FHIT: variants seen among roughly 807,000 people sequenced by gnomAD.
FHIT encodes the protein fragile histidine triad diadenosine triphosphatase.
In FHIT, 19 loss-of-function variants were observed where a neutral mutation model predicts 17.9. The observed-to-expected ratio is 1.06, with a 90% CI of 0.74 to 1.56. FHIT has a LOEUF of 1.56. Ranked by LOEUF, FHIT falls within the 40% of genes most tolerant of loss-of-function variation. The pLI, the probability that FHIT is intolerant of heterozygous loss-of-function variation, is 0.00. For missense variants in FHIT, 248 were observed against 189.2 expected, an observed-to-expected ratio of 1.31 and a Z score of -1.82; for synonymous variants, 81 against 69.7, an observed-to-expected ratio of 1.16 and a Z score of -0.81.
chr3:61,158,954 G>T (rs1288696175), intron 2 of FHIT, among the ~76,000 whole-genome samples: 5 of 152,176 alleles, frequency 3.3e-5, no homozygotes, highest in Non-Finnish European at 7.3e-5. Flanking sequence ...CATGTAGACT[G>T]GGAAAAGTCC....
chr3:61,095,469 T>G (rs564977011), intron 2 of FHIT, among the ~76,000 whole-genome samples: 1 of 152,180 alleles, frequency 6.6e-6, no homozygotes, highest in Non-Finnish European at 1.5e-5. Context: ...TCTCAGAACC[T>G]GTGCAAACAG....
At chr3:60,914,193 G>A (rs1425310699) in intron 3 of FHIT, among the ~76,000 whole-genome samples, 5 of 152,044 alleles carry the variant, frequency 3.3e-5, no homozygotes, top group African/African-American at 4.8e-5. Context: ...AACTATATGC[G>A]AGGTCCCATT....
At chr3:61,241,468 A>C (rs1576284066) in intron 1 of FHIT, among the ~76,000 whole-genome samples, 1 of 152,238 alleles carries the variant, frequency 6.6e-6, no homozygotes, top group Non-Finnish European at 1.5e-5. Context: ...AAGACTTCTC[A>C]GAAAATAAAA....
intron 8 of FHIT, among the ~76,000 whole-genome samples, chr3:59,865,987 T>C (rs608582): frequency 0.17 from 26,548 of 152,144 alleles, 2,410 homozygotes; most frequent in Non-Finnish European, 0.19. Context: ...TTATGAAAGA[T>C]GGCACATGAA....
chr3:60,567,747 A>G (rs1397819589), intron 4 of FHIT, among the ~76,000 whole-genome samples: 1 of 152,202 alleles, frequency 6.6e-6, no homozygotes, highest in African/African-American at 2.4e-5. Flanking sequence ...AATGAACTCA[A>G]ACAAATCTAC....
intron 7 of FHIT, among the ~76,000 whole-genome samples, chr3:59,948,684 C>T (rs1706958969): frequency 6.6e-6 from 1 of 152,012 alleles, no homozygotes; most frequent in South Asian, 2.1e-4. Context: ...GCAGTGATAA[C>T]TCATCATGGC....
chr3:60,527,229 T>C (rs1241254025), intron 5 of FHIT, among the ~76,000 whole-genome samples: 3 of 152,168 alleles, frequency 2.0e-5, no homozygotes, highest in Non-Finnish European at 4.4e-5. Context: ...GAATAGAAAA[T>C]ACTAACTGGT....
chr3:60,802,571 T>C (rs1262420279), intron 4 of FHIT, among the ~76,000 whole-genome samples: 1 of 152,218 alleles, frequency 6.6e-6, no homozygotes, highest in African/African-American at 2.4e-5. Flanking sequence ...GTTTTCAAAA[T>C]GTCCTTCATC....
At chr3:60,172,659 G>C (rs1242328234) in intron 5 of FHIT, among the ~76,000 whole-genome samples, 1 of 152,112 alleles carries the variant, frequency 6.6e-6, no homozygotes, top group African/African-American at 2.4e-5. Context: ...AGAACAGCAG[G>C]AACAGAGACC....
intron 3 of FHIT, among the ~76,000 whole-genome samples, chr3:60,961,432 A>G (rs1274100236): frequency 6.6e-6 from 1 of 152,144 alleles, no homozygotes; most frequent in African/African-American, 2.4e-5. Context: ...TCTTTAGTTT[A>G]ATTAGATCCC....
At chr3:60,393,340 A>G (rs1386129955) in intron 5 of FHIT, among the ~76,000 whole-genome samples, 1 of 151,694 alleles carries the variant, frequency 6.6e-6, no homozygotes, top group Admixed American at 6.6e-5. Flanking sequence ...GTCCTCTTGT[A>G]CTATCCTCAA....
intron 4 of FHIT, among the ~76,000 whole-genome samples, chr3:60,742,565 C>T (rs55683466): frequency 0.016 from 2,460 of 152,320 alleles, 83 homozygotes; most frequent in African/African-American, 0.056. Context: ...TGTTCTAACA[C>T]TTCACTACCT....
chr3:60,347,736 GC>G (rs1710864638), intron 5 of FHIT, among the ~76,000 whole-genome samples: 2 of 131,346 alleles, frequency 1.5e-5, no homozygotes, highest in South Asian at 2.6e-4. Flanking sequence ...TGTGTTATTT[GC>G]CCCAAACCCC....
At chr3:60,844,598 T>C (rs1204923069) in intron 3 of FHIT, among the ~76,000 whole-genome samples, 5 of 152,158 alleles carry the variant, frequency 3.3e-5, no homozygotes, top group Non-Finnish European at 1.5e-5. Context: ...AAATCAATTC[T>C]TTCTTAATGC....
intron 3 of FHIT, among the ~76,000 whole-genome samples, chr3:60,861,171 T>TA (rs1358617646): frequency 0.038 from 20 of 526 alleles, 1 homozygote; most frequent in Non-Finnish European, 0.08. Flanking sequence ...ATATCATATG[T>TA]TCTATGATAT....
intron 2 of FHIT, among the ~76,000 whole-genome samples, chr3:61,194,945 T>G (rs2038813541): frequency 2.7e-5 from 4 of 150,160 alleles, no homozygotes; most frequent in Admixed American, 2.7e-4. Context: ...AGGCCAAATT[T>G]TATTGCTTCT....
chr3:60,700,515 TG>T (rs1230390913), intron 4 of FHIT, among the ~76,000 whole-genome samples: 10 of 151,796 alleles, frequency 6.6e-5, no homozygotes, highest in African/African-American at 2.4e-4. Flanking sequence ...ATTCATGTGC[TG>T]TTTTTATGTT....
In FHIT at chr3:60,916,504, T is replaced by A. The variant is rs940243775; in HGVS notation, c.-110-94493A>T. 2.6e-5 allele frequency among the ~76,000 whole-genome samples: 4 copies of A among 152,338 alleles called. No individual in the cohort carries two copies. The South Asian group carries it at 8.3e-4, about 32-fold the overall frequency. Reference sequence around the variant, plus strand: ...AATCACCCATTTTTGCTTATAACCATAGGCAGTTATAATCATTATTGCCCA... The same window carrying A: ...AATCACCCATTTTTGCTTATAACCAAAGGCAGTTATAATCATTATTGCCCA... On this transcript the variant is annotated intron_variant, in intron 3 of 9. Coordinates refer to ENST00000492590, the MANE Select transcript of FHIT (RefSeq NM_002012.4).
rs1706260653 is a variant in FHIT, at chr3:60,260,932, T to C, written c.104-246780A>G. ...GCGCCATGACAGTTTACAAATGCCA[T>C]GGCAAAGTCTGGAAGTTACACTATA... On this transcript the variant is annotated intron_variant, in intron 5 of 9. Transcript: ENST00000492590. Among the ~76,000 whole-genome samples, 4 of 152,104 alleles carry C rather than the reference T, an allele frequency of 2.6e-5. No homozygotes were observed. In the South Asian group the frequency reaches 8.3e-4, roughly 32 times the overall value.
Sources: gnomAD v4.1 joint callset for allele counts (sites outside exome capture counted in the v4.1 genomes callset) on GRCh38, gnomAD v4.1.1 for gene constraint, MANE v1.5 for transcripts, NCBI Gene and HGNC (gene_info 2026-07-23, HGNC 2026-07-21) for gene names.